The following ATP2C1 variants were observed in gnomAD, a reference collection of about 807,000 sequenced individuals.
ATP2C1 encodes calcium-transporting ATPase type 2C member 1.
ATP2C1 carries 31 observed loss-of-function variants against 120.5 expected under a neutral mutation model. The ratio of observed to expected loss-of-function variants is 0.26; its 90% CI spans 0.19 to 0.35. ATP2C1 has a LOEUF of 0.35. ATP2C1 is among the 10% of genes least tolerant of loss of function. ATP2C1 has a pLI of 1.00. For synonymous variants in ATP2C1, 351 were observed against 358.7 expected, an observed-to-expected ratio of 0.98 and a Z score of 0.24; for missense variants, 731 against 1,107.5, an observed-to-expected ratio of 0.66 and a Z score of 4.83.
chr3:130,901,669 A>G (rs966006148), intron 2 of ATP2C1, among the ~76,000 whole-genome samples: 10 of 152,074 alleles, frequency 6.6e-5, no homozygotes, highest in African/African-American at 9.7e-5. Context: ...GACTGTCATG[A>G]TGTGAGGCTC....
chr3:130,852,852 C>T (rs979948993), intron 1 of ATP2C1, among the ~76,000 whole-genome samples: 1 of 152,198 alleles, frequency 6.6e-6, no homozygotes, highest in African/African-American at 2.4e-5. Flanking sequence ...CTTAAGAGCC[C>T]TTGCCCATGC....
chr3:131,002,672 A>G lies in ATP2C1; in HGVS notation c.*1322A>G. 1 of 985,424 alleles carries G rather than the reference A, an allele frequency of 1.0e-6. No homozygotes were observed. The highest frequency in any genetic ancestry group is 1.2e-6 in the Non-Finnish European group (1 of 829,908). The allele number at this position is 985,424 out of a possible 1,614,324, so 61.0% of individuals were successfully genotyped here. ...ATAAACAAAAATTGGTCCCAATTCTAACAGGTTTAATCCTTCTTGAAGCCA... is the reference window on the plus strand; with the variant it reads ...ATAAACAAAAATTGGTCCCAATTCTGACAGGTTTAATCCTTCTTGAAGCCA... On this transcript the variant is annotated 3_prime_UTR_variant, in exon 28 of 28. Transcript: ENST00000510168.
At chr3:130,936,761 G>C (rs969736420) in intron 5 of ATP2C1, among the ~76,000 whole-genome samples, 2 of 142,486 alleles carry the variant, frequency 1.4e-5, no homozygotes, top group Non-Finnish European at 3.0e-5. Context: ...AGCTTGCAGT[G>C]AGCTGAGATC....
At chr3:130,922,465 T>A (rs1296477396) in intron 2 of ATP2C1, among the ~76,000 whole-genome samples, 1 of 152,196 alleles carries the variant, frequency 6.6e-6, no homozygotes, top group African/African-American at 2.4e-5. Context: ...CATTTAGTTC[T>A]GCTCTGATCT....
intron 2 of ATP2C1, among the ~76,000 whole-genome samples, chr3:130,897,317 A>C (rs1264587820): frequency 6.6e-6 from 1 of 152,228 alleles, no homozygotes; most frequent in Non-Finnish European, 1.5e-5. Context: ...TTGAAGCCCG[A>C]CAAGTAATGT....
intron 20 of ATP2C1, among the ~76,000 whole-genome samples, chr3:130,987,554 C>T (rs1221125175): frequency 1.3e-5 from 2 of 152,146 alleles, no homozygotes; most frequent in Non-Finnish European, 2.9e-5. Context: ...TGGTCTCAAA[C>T]TCCTGGGCTC....
At chr3:130,989,685 G>C (rs1049306563) in intron 20 of ATP2C1, among the ~76,000 whole-genome samples, 2 of 151,582 alleles carry the variant, frequency 1.3e-5, no homozygotes, top group African/African-American at 4.8e-5. Context: ...TTGTACTTCT[G>C]TTGCTTCGTT....
chr3:130,962,864 ATGT>A (rs1217300521), intron 12 of ATP2C1: 1 of 151,932 alleles, frequency 6.6e-6, no homozygotes, highest in African/African-American at 2.4e-5. Flanking sequence ...TTAGCCAATA[ATGT>A]TGTTGCTTAT....
At chr3:130,966,183 G>A (rs1256419666) in intron 14 of ATP2C1, among the ~76,000 whole-genome samples, 4 of 152,060 alleles carry the variant, frequency 2.6e-5, no homozygotes, top group East Asian at 3.9e-4. Context: ...TTTTACATAG[G>A]TTTTGAAAAG....
Position 130,979,329 on chromosome 3 carries a change from G to A in ATP2C1, c.1651G>A (p.Gly551Ser). ...LVGIIDPPRT[G>S]VKEAVTTLIA... ...GGGAATCATTGATCCACCTAGAACT[G>A]GTGTGAAAGAAGCTGTTACAACACT... The change falls in exon 19 of 28, where the codon GGT (glycine) becomes AGT (serine). Residue 551 changes from glycine (G) to serine (S), a missense_variant. Gly to Ser is a moderately conservative substitution (Grantham distance 56). Coordinates refer to ENST00000510168, the MANE Select transcript of ATP2C1 (RefSeq NM_001378687.1). 1 of 1,613,618 alleles carries A rather than the reference G, an allele frequency of 6.2e-7. No homozygotes were observed. Among genetic ancestry groups the A allele is most frequent in the Non-Finnish European group, 8.5e-7 (1 of 1,179,742 alleles).
intron 1 of ATP2C1, among the ~76,000 whole-genome samples, chr3:130,859,087 G>A (rs1001664275): frequency 3.3e-5 from 5 of 152,162 alleles, no homozygotes; most frequent in Non-Finnish European, 5.9e-5. Flanking sequence ...GACTTATTAG[G>A]TTCCAGCTCT....
Position 131,003,085 on chromosome 3 carries a change from GAAAT to G in ATP2C1, c.*1740_*1743del, listed in dbSNP as rs2062968149. 3.0e-6 allele frequency: 3 copies of G among 984,922 alleles called. No individual in the cohort carries two copies. 61.0% of individuals were successfully genotyped at this position (984,922 alleles called of 1,614,324 possible). On this transcript the variant is annotated 3_prime_UTR_variant, in exon 28 of 28. Transcript: ENST00000510168. The stretch of plus-strand genomic sequence containing the variant: ...TTTAGGTTCAGATTATGACTTGATT[GAAAT>G]AAATGTGCCTATACATTCATTTGCT...
At chr3:130,910,042 C>T (rs975852884) in intron 2 of ATP2C1, among the ~76,000 whole-genome samples, 5 of 151,966 alleles carry the variant, frequency 3.3e-5, no homozygotes, top group Admixed American at 2.0e-4. Flanking sequence ...CATAAGTATA[C>T]GTGTATGCTT....
chr3:130,994,175 AC>A (rs2062488594), intron 22 of ATP2C1, 77 bp downstream of exon 22: 4 of 1,542,746 alleles, frequency 2.6e-6, no homozygotes, highest in Non-Finnish European at 3.6e-6. Context: ...AGAGAATTCA[AC>A]TGGAAAAGAA....
At chr3:131,009,405 G>T (rs1304732751) in intron 26 of ATP2C1, among the ~76,000 whole-genome samples, 1 of 152,136 alleles carries the variant, frequency 6.6e-6, no homozygotes, top group Non-Finnish European at 1.5e-5. Flanking sequence ...TAACCAAATA[G>T]AATGTTTTCA....
chr3:130,959,072 G>A (rs548384120), intron 11 of ATP2C1, among the ~76,000 whole-genome samples: 1 of 152,220 alleles, frequency 6.6e-6, no homozygotes, highest in South Asian at 2.1e-4. Context: ...ACACATGTAC[G>A]TATGTGAGTA....
At chr3:131,011,434 C>G (rs184934383) in intron 26 of ATP2C1, among the ~76,000 whole-genome samples, 429 of 152,296 alleles carry the variant, frequency 2.8e-3, no homozygotes, top group Non-Finnish European at 3.9e-3. Flanking sequence ...GTTTCCAAAG[C>G]CTAAGATGAG....
chr3:130,969,381 A>G lies in ATP2C1; in HGVS notation c.1398A>G (p.Val466=), dbSNP rs769464014. 5.6e-6 allele frequency: 9 copies of G among 1,612,414 alleles called. No individual in the cohort carries two copies. The East Asian group carries it at 1.6e-4, about 28-fold the overall frequency. Residue 466 remains valine, a synonymous_variant, in exon 17 of 28, where the codon GTA becomes GTG. Coordinates refer to ENST00000510168, the MANE Select transcript of ATP2C1 (RefSeq NM_001378687.1). The stretch of plus-strand genomic sequence containing the variant: ...AAAAGTGGATGGCTGTTAAGTGTGT[A>G]CACCGAACACAGCAGGTATCCATCT... The part of the protein sequence containing the change: ...SEQKWMAVKC[V]HRTQQDRPEI...
chr3:130,882,261 G>A (rs188425455), intron 1 of ATP2C1, among the ~76,000 whole-genome samples: 36 of 150,330 alleles, frequency 2.4e-4, no homozygotes, highest in African/African-American at 6.4e-4. Context: ...GCAGTGGCGC[G>A]ACCTTGGATC....
Sources: gnomAD v4.1 joint callset for allele counts (sites outside exome capture counted in the v4.1 genomes callset) on GRCh38, gnomAD v4.1.1 for gene constraint, MANE v1.5 for transcripts, NCBI Gene and HGNC (gene_info 2026-07-23, HGNC 2026-07-21) for gene names.